The following RBFOX1 variants were observed in gnomAD, a reference collection of about 807,000 sequenced individuals.
RBFOX1 encodes the protein RNA binding protein fox-1 homolog 1.
A neutral mutation model predicts 57.7 loss-of-function variants in RBFOX1; 8 were observed. The observed-to-expected ratio is 0.14, with a 90% confidence interval of 0.08 to 0.25. The LOEUF is 0.25. Ranked by LOEUF, RBFOX1 falls within the 10% of genes least tolerant of loss-of-function variation. The pLI is 1.00. For synonymous variants in RBFOX1, 326 were observed against 222.4 expected, an observed-to-expected ratio of 1.47 and a Z score of -4.15; for missense variants, 611 against 548.5, an observed-to-expected ratio of 1.11 and a Z score of -1.14.
chr16:6,822,174 G>T (rs897398509), intron 3 of RBFOX1, among the ~76,000 whole-genome samples: 1 of 152,196 alleles, frequency 6.6e-6, no homozygotes, highest in Non-Finnish European at 1.5e-5. Context: ...TCGAGGCATT[G>T]TAAGAGGGGA....
chr16:6,929,784 T>G (rs1414866631), intron 3 of RBFOX1, among the ~76,000 whole-genome samples: 2 of 152,202 alleles, frequency 1.3e-5, no homozygotes, highest in African/African-American at 4.8e-5. Flanking sequence ...TCCTGTAGCT[T>G]TTTTTATTGT....
At chr16:7,118,866 A>G (rs2066491023) in intron 4 of RBFOX1, among the ~76,000 whole-genome samples, 1 of 152,134 alleles carries the variant, frequency 6.6e-6, no homozygotes, top group Admixed American at 6.6e-5. Context: ...CAAATAGAGC[A>G]CATAGAGAAC....
intron 4 of RBFOX1, among the ~76,000 whole-genome samples, chr16:7,349,909 G>A (rs2097096062): frequency 6.6e-6 from 1 of 152,212 alleles, no homozygotes; most frequent in South Asian, 2.1e-4. Flanking sequence ...CACTTTGGGA[G>A]GCCGAGGTGG....
chr16:5,284,214 A>G (rs2063337758), intron 1 of RBFOX1, among the ~76,000 whole-genome samples: 1 of 152,216 alleles, frequency 6.6e-6, no homozygotes, highest in Non-Finnish European at 1.5e-5. Flanking sequence ...ATGTAAGTCC[A>G]TTAAACCTCT....
chr16:6,874,424 T>G (rs1006581398), intron 3 of RBFOX1, among the ~76,000 whole-genome samples: 1 of 144,560 alleles, frequency 6.9e-6, no homozygotes, highest in Non-Finnish European at 1.5e-5. Flanking sequence ...GCAGGAGAAC[T>G]GCTTGAATCC....
chr16:6,086,220 C>T (rs1371512354), intron 1 of RBFOX1, among the ~76,000 whole-genome samples: 1 of 152,102 alleles, frequency 6.6e-6, no homozygotes, highest in African/African-American at 2.4e-5. Context: ...AATAGACAAG[C>T]ACATGCATTG....
chr16:6,838,292 T>C (rs1194475640), intron 3 of RBFOX1, among the ~76,000 whole-genome samples: 2 of 152,114 alleles, frequency 1.3e-5, no homozygotes, highest in African/African-American at 2.4e-5. Flanking sequence ...GGTTTTCTGT[T>C]CCTGTGATGG....
intron 3 of RBFOX1, among the ~76,000 whole-genome samples, chr16:6,782,082 C>A (rs993568787): frequency 5.9e-5 from 9 of 152,108 alleles, no homozygotes; most frequent in Non-Finnish European, 8.8e-5. Flanking sequence ...TCTTGGCTCA[C>A]TGCAACCTCC....
At chr16:5,907,280 T>A (rs1193832114) in intron 4 of RBFOX1, among the ~76,000 whole-genome samples, 1 of 151,982 alleles carries the variant, frequency 6.6e-6, no homozygotes, top group Non-Finnish European at 1.5e-5. Flanking sequence ...TCATCCTGCC[T>A]CATCCTCTGT....
At chr16:7,173,311 C>G (rs759289715) in intron 4 of RBFOX1, among the ~76,000 whole-genome samples, 8 of 152,136 alleles carry the variant, frequency 5.3e-5, no homozygotes, top group Admixed American at 4.6e-4. Context: ...TTTGAAGAAA[C>G]TAATAGCTGG....
At chr16:7,281,809 ATCTT>A (rs1018041372) in intron 4 of RBFOX1, among the ~76,000 whole-genome samples, 11 of 152,026 alleles carry the variant, frequency 7.2e-5, no homozygotes, top group African/African-American at 2.7e-4. Flanking sequence ...GACCAAAATA[ATCTT>A]TCTTTCTCTC....
intron 3 of RBFOX1, among the ~76,000 whole-genome samples, chr16:6,928,441 A>G (rs748017768): frequency 5.9e-5 from 9 of 152,178 alleles, no homozygotes; most frequent in Non-Finnish European, 8.8e-5. Flanking sequence ...CTGGCAGCCA[A>G]GAGCTCAGGA....
At chr16:7,582,952 A>G (rs2093889266) in intron 6 of RBFOX1, among the ~76,000 whole-genome samples, 1 of 152,190 alleles carries the variant, frequency 6.6e-6, no homozygotes, top group Non-Finnish European at 1.5e-5. Context: ...ACCACTAATA[A>G]TTCGACCATA....
At chr16:7,477,953 C>G (rs2063089199) in intron 4 of RBFOX1, among the ~76,000 whole-genome samples, 1 of 152,194 alleles carries the variant, frequency 6.6e-6, no homozygotes, top group Admixed American at 6.5e-5. Context: ...CACTCCCACA[C>G]ATAATTGAGA....
At chr16:6,623,542 C>G (rs1407148262) in intron 2 of RBFOX1, among the ~76,000 whole-genome samples, 1 of 151,824 alleles carries the variant, frequency 6.6e-6, no homozygotes, top group Non-Finnish European at 1.5e-5. Context: ...GTGCTGCACT[C>G]ATTAACTCGT....
intron 10 of RBFOX1, chr16:7,614,693 G>GT (rs2058135162): frequency 6.6e-6 from 1 of 152,206 alleles, no homozygotes; most frequent in Non-Finnish European, 1.5e-5. Flanking sequence ...CACAGGGGAA[G>GT]TTTTAAGTTA....
At chr16:6,347,066 C>T (rs1024355391) in intron 2 of RBFOX1, among the ~76,000 whole-genome samples, 6 of 152,130 alleles carry the variant, frequency 3.9e-5, no homozygotes, top group African/African-American at 7.2e-5. Flanking sequence ...GGATATTGGG[C>T]TGAGGAGTTC....
intron 3 of RBFOX1, among the ~76,000 whole-genome samples, chr16:6,677,946 A>T (rs1274021992): frequency 6.6e-6 from 1 of 152,222 alleles, no homozygotes; most frequent in Non-Finnish European, 1.5e-5. Context: ...AAGAACATCT[A>T]ACCTAGTACC....
intron 2 of RBFOX1, among the ~76,000 whole-genome samples, chr16:5,594,763 T>C (rs2047126246): frequency 6.6e-6 from 1 of 152,104 alleles, no homozygotes; most frequent in Admixed American, 6.6e-5. Flanking sequence ...AGCTTGACTT[T>C]TCCCTTTAGC....
Sources: gnomAD v4.1 joint callset for allele counts (sites outside exome capture counted in the v4.1 genomes callset) on GRCh38, gnomAD v4.1.1 for gene constraint, MANE v1.5 for transcripts, NCBI Gene and HGNC (gene_info 2026-07-23, HGNC 2026-07-21) for gene names.